Variants in SLC44A1 observed in about 807,000 individuals in gnomAD.
The protein encoded by SLC44A1 is choline transporter-like protein 1.
In SLC44A1, 26 loss-of-function variants were observed where a neutral mutation model predicts 79.3. That is an observed-to-expected ratio of 0.33 (90% CI 0.24 to 0.46). SLC44A1 has a LOEUF of 0.46. Ranked by LOEUF, SLC44A1 falls within the 20% of genes least tolerant of loss-of-function variation. The pLI is 1.00. For missense variants in SLC44A1, 688 were observed against 798.1 expected (o/e 0.86, Z 1.66); for synonymous variants, 263 against 286.2 (o/e 0.92, Z 0.82).
At chr9:105,381,780 G>A (rs1348123682) in intron 13 of SLC44A1, among the ~76,000 whole-genome samples, 1 of 152,020 alleles carries the variant, frequency 6.6e-6, no homozygotes, top group Non-Finnish European at 1.5e-5. Flanking sequence ...TCTGAGAGAG[G>A]GATCAATTTA....
intron 3 of SLC44A1, among the ~76,000 whole-genome samples, chr9:105,315,472 T>C (rs1318949783): frequency 2.0e-5 from 3 of 152,100 alleles, no homozygotes; most frequent in Admixed American, 2.0e-4. Context: ...TTCTTTAAAG[T>C]CATAGTCCTG....
intron 15 of SLC44A1, 61 bp downstream of exon 15, chr9:105,385,563 T>C (rs1264962148): frequency 1.3e-6 from 2 of 1,548,580 alleles, no homozygotes; most frequent in African/African-American, 1.4e-5. Flanking sequence ...CCTCTCTCTC[T>C]CTGTCTTCAC....
intron 1 of SLC44A1, among the ~76,000 whole-genome samples, chr9:105,260,463 A>G (rs1829813337): frequency 6.6e-6 from 1 of 152,232 alleles, no homozygotes; most frequent in Admixed American, 6.5e-5. Flanking sequence ...AGAAGCAACA[A>G]TAAGGTTGTT....
intron 5 of SLC44A1, chr9:105,355,946 T>TGTGC (rs1249166694): frequency 4.5e-6 from 2 of 447,618 alleles, no homozygotes; most frequent in Non-Finnish European, 4.0e-6. Flanking sequence ...TGTGTGTGTG[T>TGTGC]GTGCGTTTCT....
intron 15 of SLC44A1, among the ~76,000 whole-genome samples, chr9:105,405,084 C>T (rs762620619): frequency 7.6e-6 from 1 of 131,554 alleles, no homozygotes; most frequent in Admixed American, 7.7e-5. Context: ...CTTTGGGAGG[C>T]CAAGGCGGGT....
intron 1 of SLC44A1, among the ~76,000 whole-genome samples, chr9:105,269,448 A>T (rs991495137): frequency 6.6e-6 from 1 of 152,138 alleles, no homozygotes; most frequent in Non-Finnish European, 1.5e-5. Context: ...AGGATTAATA[A>T]ATTTTAATAA....
At chr9:105,279,483 C>T (rs1335491731) in intron 1 of SLC44A1, among the ~76,000 whole-genome samples, 1 of 151,794 alleles carries the variant, frequency 6.6e-6, no homozygotes, top group Non-Finnish European at 1.5e-5. Context: ...ATGCCCAGCT[C>T]ATTTTTGTAT....
intron 1 of SLC44A1, among the ~76,000 whole-genome samples, chr9:105,276,564 C>CTGTGTGTGTGTGTG (rs1564409372): frequency 3.1e-5 from 2 of 63,896 alleles, no homozygotes; most frequent in East Asian, 5.4e-4. Context: ...GGATGGGGAG[C>CTGTGTGTGTGTGTG]CGTGTGTGTG....
chr9:105,408,323 AAAAAAT>A (rs1829054680), intron 15 of SLC44A1, among the ~76,000 whole-genome samples: 1 of 152,234 alleles, frequency 6.6e-6, no homozygotes. Flanking sequence ...ACAAAAAAAT[AAAAAAT>A]AAAAACATCA....
chr9:105,413,840 C>T (rs928243985), intron 15 of SLC44A1, among the ~76,000 whole-genome samples: 3 of 152,100 alleles, frequency 2.0e-5, no homozygotes, highest in Non-Finnish European at 4.4e-5. Context: ...AAGACGTGAT[C>T]CCCCTGACTA....
At chr9:105,251,063 T>C (rs1350058208) in intron 1 of SLC44A1, among the ~76,000 whole-genome samples, 1 of 152,164 alleles carries the variant, frequency 6.6e-6, no homozygotes, top group Non-Finnish European at 1.5e-5. Context: ...TTACAGTCTG[T>C]ATGTTAACAG....
Position 105,394,362 on chromosome 9 carries a change from C to G in SLC44A1, c.*5306C>G. ...TAATCTGAAGGAATAACAAGATGAT[C>G]AACACTGAATCTTCATGACAGTAAG... is the stretch of plus-strand genomic sequence containing the variant. On this transcript the variant is annotated 3_prime_UTR_variant, in exon 16 of 16. Transcript: ENST00000374720. The G allele has an allele frequency of 2.0e-6, 2 of 984,548 alleles. No individual in the cohort carries two copies. The highest frequency in any genetic ancestry group is 9.4e-5 in the South Asian group (2 of 21,246). The allele number at this position is 984,548 out of a possible 1,614,324, so 61.0% of individuals were successfully genotyped here. A position where few individuals can be genotyped will look rare whatever the true frequency, so the allele number is the denominator to read the frequency against.
intron 15 of SLC44A1, among the ~76,000 whole-genome samples, chr9:105,427,396 TA>T (rs1279674487): frequency 3.9e-5 from 6 of 152,338 alleles, no homozygotes; most frequent in South Asian, 2.1e-4. Flanking sequence ...AAGGGATTAT[TA>T]ATAATGCTAT....
At chr9:105,254,500 G>C (rs1227282265) in intron 1 of SLC44A1, among the ~76,000 whole-genome samples, 1 of 152,212 alleles carries the variant, frequency 6.6e-6, no homozygotes, top group Non-Finnish European at 1.5e-5. Context: ...ATGCAGGATT[G>C]GGCGTGGTGA....
chr9:105,311,417 ATT>A (rs1223019150), intron 3 of SLC44A1, among the ~76,000 whole-genome samples: 2 of 152,154 alleles, frequency 1.3e-5, no homozygotes, highest in African/African-American at 4.8e-5. Flanking sequence ...GATTGGAATC[ATT>A]TTTATGGCTC....
intron 1 of SLC44A1, among the ~76,000 whole-genome samples, chr9:105,266,552 T>G (rs942440033): frequency 6.6e-6 from 1 of 152,226 alleles, no homozygotes; most frequent in Non-Finnish European, 1.5e-5. Context: ...TTCAGTGCAA[T>G]TTATTGACAA....
chr9:105,437,052 T>C (rs1829472390), intron 15 of SLC44A1, among the ~76,000 whole-genome samples: 1 of 152,214 alleles, frequency 6.6e-6, no homozygotes, highest in Admixed American at 6.5e-5. Context: ...CTGCAGTGGC[T>C]CTGGGCTTGT....
rs1372923572 is a variant in SLC44A1 at position 105,353,486 on chromosome 9, C to T, written c.501-2726C>T. Among the ~76,000 whole-genome samples, 9 of 152,170 alleles carry T rather than the reference C, an allele frequency of 5.9e-5. No individual in the cohort carries two copies. The East Asian group carries it at 1.7e-3, about 29-fold the overall frequency. On this transcript the variant is annotated intron_variant, in intron 5 of 15. Transcript: ENST00000374720. ...CTGTTCCTGTATAATTTTGTATCAT[C>T]GATTTATGGGTGCCCTCTTGGATGG...
intron 15 of SLC44A1, among the ~76,000 whole-genome samples, chr9:105,421,154 G>T (rs1337666012): frequency 6.6e-6 from 1 of 152,030 alleles, no homozygotes; most frequent in Non-Finnish European, 1.5e-5. Context: ...CCTGGAAGTG[G>T]TTCCTCTGGT....
Sources: allele counts gnomAD v4.1 joint callset (sites outside exome capture counted in the v4.1 genomes callset), GRCh38; gene constraint gnomAD v4.1.1; transcripts MANE v1.5; gene names NCBI Gene and HGNC (gene_info 2026-07-23, HGNC 2026-07-21).